The following FANCC variants were observed in gnomAD, a reference collection of about 807,000 sequenced individuals.
FANCC encodes FA complementation group C, also known as Fanconi anemia group C protein.
Under a neutral mutation model 71.3 loss-of-function variants are expected in FANCC, and 55 were observed. The observed-to-expected ratio is 0.77, with a 90% CI of 0.62 to 0.97. The LOEUF is 0.97. Among genes scored for constraint, FANCC ranks in the 50% least tolerant of loss-of-function variants. The pLI, the probability that FANCC is intolerant of heterozygous loss-of-function variation, is 0.00. For missense variants in FANCC, 678 were observed against 670.9 expected (o/e 1.01, Z -0.12); for synonymous variants, 275 against 244.9 (o/e 1.12, Z -1.15).
At chr9:95,114,148 G>C (rs1280083221) in intron 12 of FANCC, 2 of 195,598 alleles carry the variant, frequency 1.0e-5, no homozygotes, top group African/African-American at 4.6e-5. Flanking sequence ...TCTCATTTTA[G>C]AGAGATTTAT....
chr9:95,271,927 CTTTTTTTTTT>C lies in FANCC; in HGVS notation c.-78-22568_-78-22559del, dbSNP rs869093626. Among the ~76,000 whole-genome samples, 103 of 50,510 alleles carry C rather than the reference CTTTTTTTTTT, an allele frequency of 2.0e-3. 2 individuals carry two copies. The highest frequency in any genetic ancestry group is 6.3e-3 in the African/African-American group (82 of 12,982). The allele number at this position is 50,510 out of a possible 152,430, so 33.1% of individuals were successfully genotyped here. On this transcript the variant is annotated intron_variant, in intron 1 of 14. Coordinates refer to ENST00000289081, the MANE Select transcript of FANCC (RefSeq NM_000136.3). ...TTCCATCAATCCCATCAAGCCTCTT[CTTTTTTTTTT>C]TTTTTTTTTTTTTTTTTGAGATGGA...
chr9:95,274,076 C>T (rs1165239702), intron 1 of FANCC, among the ~76,000 whole-genome samples: 2 of 152,068 alleles, frequency 1.3e-5, no homozygotes, highest in East Asian at 3.9e-4. Context: ...GCAGAACGTG[C>T]AGATTTGTTA....
At chr9:95,271,779 G>T (rs551604163) in intron 1 of FANCC, among the ~76,000 whole-genome samples, 192 of 151,900 alleles carry the variant, frequency 1.3e-3, no homozygotes, top group African/African-American at 4.5e-3. Flanking sequence ...CACATTAGGA[G>T]TTTCTTCTAC....
At chr9:95,102,722 C>T (rs1404870890) in intron 14 of FANCC, among the ~76,000 whole-genome samples, 3 of 152,234 alleles carry the variant, frequency 2.0e-5, no homozygotes, top group Non-Finnish European at 2.9e-5. Flanking sequence ...GGTCCGACAG[C>T]CCAGGACACC....
At chr9:95,187,844 T>C (rs1337752437) in intron 4 of FANCC, among the ~76,000 whole-genome samples, 1 of 152,038 alleles carries the variant, frequency 6.6e-6, no homozygotes, top group Non-Finnish European at 1.5e-5. Context: ...AGACATGACC[T>C]AGACCACCGT....
chr9:95,153,245 T>G (rs1830279789), intron 6 of FANCC, among the ~76,000 whole-genome samples: 1 of 152,220 alleles, frequency 6.6e-6, no homozygotes, highest in African/African-American at 2.4e-5. Flanking sequence ...ATCCACTGAT[T>G]GGTGGATGGG....
chr9:95,173,936 T>G (rs991409237), intron 4 of FANCC, among the ~76,000 whole-genome samples: 1 of 152,152 alleles, frequency 6.6e-6, no homozygotes, highest in Non-Finnish European at 1.5e-5. Flanking sequence ...TAATAGTATT[T>G]AAAATGGTTA....
intron 7 of FANCC, among the ~76,000 whole-genome samples, chr9:95,138,002 G>C (rs1827975778): frequency 6.6e-6 from 1 of 152,272 alleles, no homozygotes; most frequent in Non-Finnish European, 1.5e-5. Context: ...GTGGGGCCTA[G>C]TGTGCTCCTG....
At chr9:95,201,009 C>A (rs922852995) in intron 4 of FANCC, among the ~76,000 whole-genome samples, 6 of 152,116 alleles carry the variant, frequency 3.9e-5, no homozygotes, top group African/African-American at 1.4e-4. Context: ...AACTGTAGTA[C>A]ATTTCCCATC....
intron 4 of FANCC, among the ~76,000 whole-genome samples, chr9:95,221,468 T>A (rs1374575307): frequency 6.6e-6 from 1 of 152,104 alleles, no homozygotes; most frequent in African/African-American, 2.4e-5. Flanking sequence ...AAGCATGAAT[T>A]ATAATAGAAA....
At chr9:95,146,060 A>G in intron 7 of FANCC, among the ~76,000 whole-genome samples, 1 of 152,172 alleles carries the variant, frequency 6.6e-6, no homozygotes, top group East Asian at 1.9e-4. Context: ...TAGATATGTG[A>G]TGATGATAAG....
intron 8 of FANCC, among the ~76,000 whole-genome samples, chr9:95,130,673 C>T (rs940777651): frequency 3.9e-5 from 6 of 152,184 alleles, no homozygotes; most frequent in African/African-American, 1.4e-4. Context: ...AGCAGCCGGA[C>T]AATCCCGTCC....
chr9:95,126,810 T>C (rs1826054331), intron 8 of FANCC: 1 of 516,854 alleles, frequency 1.9e-6, no homozygotes, highest in African/African-American at 1.9e-5. Flanking sequence ...TGTATACTCC[T>C]GTATGTCCCA....
At chr9:95,185,855 T>A (rs900663859) in intron 4 of FANCC, among the ~76,000 whole-genome samples, 1 of 152,168 alleles carries the variant, frequency 6.6e-6, no homozygotes, top group Non-Finnish European at 1.5e-5. Context: ...ATTCAACAAG[T>A]AGTCATTGAC....
chr9:95,314,100 CA>C (rs1835589132), intron 1 of FANCC, among the ~76,000 whole-genome samples: 1 of 151,726 alleles, frequency 6.6e-6, no homozygotes, highest in African/African-American at 2.4e-5. Flanking sequence ...ATTAATCAGG[CA>C]AAAAAGAAAC....
intron 8 of FANCC, among the ~76,000 whole-genome samples, chr9:95,131,457 A>G (rs761296273): frequency 2.0e-5 from 3 of 152,074 alleles, no homozygotes; most frequent in Non-Finnish European, 2.9e-5. Context: ...TGCATCCCCA[A>G]CTGCAATTCC....
At chr9:95,206,847 A>C (rs767508949) in intron 4 of FANCC, among the ~76,000 whole-genome samples, 1 of 152,168 alleles carries the variant, frequency 6.6e-6, no homozygotes, top group Non-Finnish European at 1.5e-5. Context: ...TTTCCATTCT[A>C]ATTTTGTTCA....
intron 5 of FANCC, 148 bp from the exon 6 acceptor site, chr9:95,171,291 G>A: frequency 1.4e-6 from 1 of 694,010 alleles, no homozygotes; most frequent in Non-Finnish European, 2.6e-6. Flanking sequence ...AAAGGAAGCA[G>A]TGCCATGTCA....
At position 95,149,992 on chromosome 9, in the gene FANCC, C is replaced by G; in HGVS notation, c.617G>C (p.Cys206Ser). The G allele has an allele frequency of 6.2e-7, 1 of 1,613,834 alleles. No homozygotes were observed. Among genetic ancestry groups the G allele is most frequent in the Non-Finnish European group, 8.5e-7 (1 of 1,179,918 alleles). ...GATTTCCTGAGGTTCACGTCCATGA[C>G]AGATGAGGAGAGCCTCCACCAGGGG... ...VDPLVEALLI[C>S]HGREPQEILQ... The change falls in exon 7 of 15, where the codon TGT becomes TCT. Residue 206 changes from cysteine to serine, a missense_variant. Cys to Ser is a moderately radical substitution (Grantham distance 112). Transcript: ENST00000289081.
Sources: gnomAD v4.1 joint callset for allele counts (sites outside exome capture counted in the v4.1 genomes callset) on GRCh38, gnomAD v4.1.1 for gene constraint, MANE v1.5 for transcripts, NCBI Gene and HGNC (gene_info 2026-07-23, HGNC 2026-07-21) for gene names.